The following KIAA1217 variants were observed in gnomAD, a reference collection of about 807,000 sequenced individuals.
KIAA1217 encodes KIAA1217.
KIAA1217 carries 88 observed loss-of-function variants against 163.9 expected under a neutral mutation model. The observed-to-expected ratio is 0.54, with a 90% CI of 0.45 to 0.64. KIAA1217 has a LOEUF of 0.64. Ranked by LOEUF, KIAA1217 falls within the 30% of genes least tolerant of loss-of-function variation. The probability of loss-of-function intolerance (pLI) is 0.00; values close to 1 mark genes in which losing one functional copy is unlikely to be tolerated. For synonymous variants in KIAA1217, 903 were observed against 923.1 expected, an observed-to-expected ratio of 0.98 and a Z score of 0.39; for missense variants, 2,372 against 2,475.0, an observed-to-expected ratio of 0.96 and a Z score of 0.88.
At chr10:23,923,732 C>G (rs1353938289) in intron 1 of KIAA1217, among the ~76,000 whole-genome samples, 1 of 152,320 alleles carries the variant, frequency 6.6e-6, no homozygotes, top group East Asian at 1.9e-4. Context: ...CACCTTGACT[C>G]TAGCCCAGTG....
intron 3 of KIAA1217, among the ~76,000 whole-genome samples, chr10:24,416,719 G>T (rs1206918846): frequency 6.6e-6 from 1 of 152,126 alleles, no homozygotes; most frequent in Non-Finnish European, 1.5e-5. Flanking sequence ...ATCCCAGCCT[G>T]CAGCAAGCCA....
chr10:24,198,755 G>A (rs967832667), intron 2 of KIAA1217, among the ~76,000 whole-genome samples: 4 of 152,028 alleles, frequency 2.6e-5, no homozygotes, highest in African/African-American at 9.7e-5. Flanking sequence ...AAAAATCTAC[G>A]GCTTCTCTGA....
intron 2 of KIAA1217, among the ~76,000 whole-genome samples, chr10:24,283,758 T>G (rs1480309861): frequency 6.6e-6 from 1 of 152,200 alleles, no homozygotes; most frequent in Non-Finnish European, 1.5e-5. Context: ...GAATGAGAGT[T>G]CCTGTTGCTC....
At chr10:24,454,734 C>T (rs952945056) in intron 5 of KIAA1217, among the ~76,000 whole-genome samples, 4 of 152,096 alleles carry the variant, frequency 2.6e-5, no homozygotes, top group Non-Finnish European at 5.9e-5. Context: ...ATGGTTGACC[C>T]CTTGCAGTAG....
intron 15 of KIAA1217, 42 bp downstream of exon 15, chr10:24,532,035 G>A: frequency 6.9e-7 from 1 of 1,439,716 alleles, no homozygotes; most frequent in Non-Finnish European, 9.2e-7. Flanking sequence ...TCTGGGTTCA[G>A]ATGATACCCT....
rs187816075 is a variant in KIAA1217 at position 24,287,200 on chromosome 10, G to A, written c.354+67291G>A. On this transcript the variant is annotated intron_variant, in intron 2 of 20. Coordinates refer to ENST00000376454, the MANE Select transcript of KIAA1217 (RefSeq NM_019590.5). ...CAAGTAACTGGGATTACAGGCATGC[G>A]CCACACGCCGAGCTAATTTTTTGTA... 3.0e-4 allele frequency among the ~76,000 whole-genome samples: 45 copies of A among 152,208 alleles called. 1 individual carries two copies. The highest frequency in any genetic ancestry group is 2.1e-3 in the East Asian group (11 of 5,150).
chr10:23,978,781 T>C (rs1845645453), intron 1 of KIAA1217, among the ~76,000 whole-genome samples: 1 of 152,164 alleles, frequency 6.6e-6, no homozygotes, highest in South Asian at 2.1e-4. Flanking sequence ...TAACTATAAA[T>C]AGAAGTTGTG....
intron 1 of KIAA1217, among the ~76,000 whole-genome samples, chr10:23,902,300 A>T (rs1038295552): frequency 6.6e-6 from 1 of 152,122 alleles, no homozygotes; most frequent in African/African-American, 2.4e-5. Flanking sequence ...ATTCTCACTT[A>T]TAAGTGGGAG....
chr10:23,926,030 T>C (rs1236714475), intron 1 of KIAA1217, among the ~76,000 whole-genome samples: 1 of 152,156 alleles, frequency 6.6e-6, no homozygotes, highest in East Asian at 1.9e-4. Context: ...ACTGTGGTCC[T>C]CGATCCAGGC....
At chr10:23,815,988 T>C (rs1837297819) in intron 1 of KIAA1217, among the ~76,000 whole-genome samples, 1 of 152,198 alleles carries the variant, frequency 6.6e-6, no homozygotes, top group Non-Finnish European at 1.5e-5. Flanking sequence ...CTTCCCTGGA[T>C]GTTAAGTTAC....
chr10:24,212,036 C>T (rs2068195354), intron 1 of KIAA1217, among the ~76,000 whole-genome samples: 1 of 142,140 alleles, frequency 7.0e-6, no homozygotes, highest in South Asian at 2.2e-4. Flanking sequence ...GTGTAAGATT[C>T]TGAAAGAAAG....
At chr10:23,702,666 TACACACACACACACACACACACACAC>T (rs377621544) in intron 1 of KIAA1217, among the ~76,000 whole-genome samples, 2 of 134,324 alleles carry the variant, frequency 1.5e-5, no homozygotes, top group South Asian at 2.5e-4. Flanking sequence ...AACAGGAGAA[TACACACACACACACACACACACACAC>T]ACACACACAC....
intron 1 of KIAA1217, among the ~76,000 whole-genome samples, chr10:23,723,878 A>T (rs1203327569): frequency 2.0e-5 from 3 of 152,176 alleles, no homozygotes; most frequent in African/African-American, 7.2e-5. Flanking sequence ...TTATAAAGAA[A>T]AGAGGTTTAA....
intron 2 of KIAA1217, among the ~76,000 whole-genome samples, chr10:24,296,872 A>G (rs1458141109): frequency 1.3e-5 from 2 of 152,182 alleles, no homozygotes; most frequent in Non-Finnish European, 2.9e-5. Context: ...AGCACTCTAC[A>G]CGTGTATAGT....
At chr10:24,219,580 C>T in intron 1 of KIAA1217, 46 bp from the exon 2 acceptor site, 1 of 1,493,196 alleles carries the variant, frequency 6.7e-7, no homozygotes, top group Non-Finnish European at 9.0e-7. Flanking sequence ...AATGAGACTT[C>T]TAGTGTGAAA....
chr10:24,206,524 A>T (rs2067563690), upstream of KIAA1217, among the ~76,000 whole-genome samples: 1 of 152,194 alleles, frequency 6.6e-6, no homozygotes, highest in African/African-American at 2.4e-5. Flanking sequence ...TTGGAGAAAG[A>T]TATGGAATAG....
rs1275698005 is a variant in KIAA1217 at position 23,934,624 on chromosome 10, TA to T, written c.-320-72600del. Among the ~76,000 whole-genome samples, 151 of 91,064 alleles carry T rather than the reference TA, an allele frequency of 1.7e-3. 16 individuals are homozygous for T. The highest frequency in any genetic ancestry group is 9.2e-3 in the African/African-American group (104 of 11,286). The allele number at this position is 91,064 out of a possible 152,430, so 59.7% of individuals were successfully genotyped here. On this transcript the variant is annotated intron_variant, in intron 1 of 18. Coordinates refer to the KIAA1217 transcript ENST00000376462. ...ATATATATGTATATATATATATATA[TA>T]TTTTTTTTTTGAGACGGAGTCTCGC...
intron 17 of KIAA1217, among the ~76,000 whole-genome samples, chr10:24,539,501 G>A (rs754800630): frequency 3.9e-5 from 6 of 152,176 alleles, no homozygotes; most frequent in Non-Finnish European, 4.4e-5. Context: ...AAAGTGCTGG[G>A]ATTACAAGCG....
At chr10:24,140,830 G>A (rs1402303087) in intron 2 of KIAA1217, among the ~76,000 whole-genome samples, 4 of 152,128 alleles carry the variant, frequency 2.6e-5, no homozygotes, top group African/African-American at 9.7e-5. Context: ...TTTGCAAATA[G>A]TGATCCTATT....
Sources: allele counts gnomAD v4.1 joint callset (sites outside exome capture counted in the v4.1 genomes callset), GRCh38; gene constraint gnomAD v4.1.1; transcripts MANE v1.5; gene names NCBI Gene and HGNC (gene_info 2026-07-23, HGNC 2026-07-21).